AGBL3: variants seen among roughly 807,000 people sequenced by gnomAD.
AGBL3 encodes cytosolic carboxypeptidase 3.
Under a neutral mutation model 94.5 loss-of-function variants are expected in AGBL3, and 68 were observed. The ratio of observed to expected loss-of-function variants is 0.72; its 90% CI spans 0.59 to 0.88. AGBL3 has a LOEUF of 0.88. Among genes scored for constraint, AGBL3 ranks in the 40% least tolerant of loss-of-function variants. The pLI is 0.00. For missense variants in AGBL3, 934 were observed against 1,103.8 expected (o/e 0.85, Z 2.18); for synonymous variants, 354 against 370.7 (o/e 0.95, Z 0.52).
At chr7:135,053,407 A>C (rs1286238917) in intron 11 of AGBL3, among the ~76,000 whole-genome samples, 1 of 152,190 alleles carries the variant, frequency 6.6e-6, no homozygotes, top group Non-Finnish European at 1.5e-5. Flanking sequence ...TGGGAGTTTG[A>C]GACCAGCCTG....
chr7:135,036,455 C>G (rs1473419610), intron 7 of AGBL3, among the ~76,000 whole-genome samples: 3 of 152,128 alleles, frequency 2.0e-5, no homozygotes, highest in African/African-American at 7.2e-5. Flanking sequence ...AATCACCACA[C>G]TAATCAAGGG....
At chr7:135,027,512 C>G (rs1815280831) in intron 5 of AGBL3, among the ~76,000 whole-genome samples, 1 of 151,540 alleles carries the variant, frequency 6.6e-6, no homozygotes, top group African/African-American at 2.4e-5. Context: ...CATCTGGCAT[C>G]ATTGTTTTTT....
At chr7:134,987,508 A>G (rs1186497081) in intron 1 of AGBL3, among the ~76,000 whole-genome samples, 1 of 152,234 alleles carries the variant, frequency 6.6e-6, no homozygotes, top group East Asian at 1.9e-4. Flanking sequence ...TTAAAATTAT[A>G]TTGCTACATT....
chr7:135,032,395 C>A (rs550962081), intron 5 of AGBL3, among the ~76,000 whole-genome samples: 77 of 152,142 alleles, frequency 5.1e-4, no homozygotes, highest in Non-Finnish European at 1.0e-3. Context: ...ACCTCTGCCT[C>A]CCAGGTTCAA....
chr7:135,121,052 A>C (rs1029513717), intron 16 of AGBL3, among the ~76,000 whole-genome samples: 1 of 152,136 alleles, frequency 6.6e-6, no homozygotes, highest in African/African-American at 2.4e-5. Flanking sequence ...AAAAATACAA[A>C]AAATTAGCCG....
At chr7:135,011,414 A>G (rs917385033) in intron 4 of AGBL3, 5 of 152,198 alleles carry the variant, frequency 3.3e-5, no homozygotes, top group African/African-American at 1.2e-4. Flanking sequence ...AAGACTGATA[A>G]ATTTGACTAC....
At position 135,015,858 on chromosome 7, in the gene AGBL3, CAAAAAAAAGA is replaced by C. The variant is rs1285824161; in HGVS notation, c.311-1185_311-1176del. Among the ~76,000 whole-genome samples the C allele has an allele frequency of 6.5e-5, 5 of 77,134 alleles. 1 individual carries two copies. Among genetic ancestry groups the C allele is most frequent in the Non-Finnish European group, 9.8e-5 (4 of 40,758 alleles). The allele number at this position is 77,134 out of a possible 152,430, so 50.6% of individuals were successfully genotyped here. A position where few individuals can be genotyped will look rare whatever the true frequency, so the allele number is the denominator to read the frequency against. On this transcript the variant is annotated intron_variant, in intron 4 of 16. Coordinates refer to ENST00000436302, the MANE Select transcript of AGBL3 (RefSeq NM_178563.4). ...TGAAACCCCGTCTCTACTAAAAATACAAAAAAAAGAAAAAAAAAAAAAATTAGCCGGGCGT... is the reference window on the plus strand; with the variant it reads ...TGAAACCCCGTCTCTACTAAAAATACAAAAAAAAAAAAATTAGCCGGGCGT...
intron 7 of AGBL3, among the ~76,000 whole-genome samples, chr7:135,036,087 T>C (rs1382687160): frequency 6.6e-6 from 1 of 152,098 alleles, no homozygotes; most frequent in Non-Finnish European, 1.5e-5. Flanking sequence ...GGTTTTAGTA[T>C]TTTTGTTACA....
intron 16 of AGBL3, among the ~76,000 whole-genome samples, chr7:135,122,685 C>G (rs1827305287): frequency 6.6e-6 from 1 of 152,204 alleles, no homozygotes; most frequent in African/African-American, 2.4e-5. Flanking sequence ...AAGGAGCAGG[C>G]ACCCTTCTTT....
At chr7:135,101,385 T>C (rs1823807602) in intron 15 of AGBL3, 1 of 374,386 alleles carries the variant, frequency 2.7e-6, no homozygotes, top group African/African-American at 2.1e-5. Flanking sequence ...ACTACTTTTG[T>C]AAAAGGATGA....
chr7:135,071,232 C>CA (rs1819875915), intron 12 of AGBL3, among the ~76,000 whole-genome samples: 1 of 151,954 alleles, frequency 6.6e-6, no homozygotes, highest in Non-Finnish European at 1.5e-5. Flanking sequence ...AGGATACAAA[C>CA]AATGGAAGAA....
At chr7:135,068,205 C>A (rs1446629757) in intron 12 of AGBL3, among the ~76,000 whole-genome samples, 1 of 151,958 alleles carries the variant, frequency 6.6e-6, no homozygotes, top group Non-Finnish European at 1.5e-5. Context: ...AAAAAGAAAC[C>A]AACAAACCTC....
At chr7:135,065,912 G>A (rs1024245951) in intron 12 of AGBL3, among the ~76,000 whole-genome samples, 19 of 151,936 alleles carry the variant, frequency 1.3e-4, no homozygotes, top group African/African-American at 4.6e-4. Flanking sequence ...AATGGTGTTG[G>A]GAAACTGGAT....
At chr7:135,096,868 C>T (rs1043361207) in intron 15 of AGBL3, among the ~76,000 whole-genome samples, 8 of 152,014 alleles carry the variant, frequency 5.3e-5, no homozygotes, top group South Asian at 2.1e-4. Context: ...TAGGAAGATA[C>T]GCAAAATAGA....
rs141830547 is a variant in AGBL3, at chr7:135,101,104, T to C, written c.2111-14276T>C. 56 of 449,874 alleles carry C rather than the reference T, an allele frequency of 1.2e-4. No homozygotes were observed. In the East Asian group the frequency reaches 3.8e-3, roughly 31 times the overall value. 27.9% of individuals were successfully genotyped at this position (449,874 alleles called of 1,614,324 possible). ...TCTCCCAAAGTATGACTCAGAGTCA[T>C]AGCAAAGACCAACACAAACATTTTT... On this transcript the variant is annotated intron_variant, in intron 15 of 16. Coordinates refer to ENST00000436302, the MANE Select transcript of AGBL3 (RefSeq NM_178563.4).
chr7:135,023,736 T>C (rs1325417081), intron 5 of AGBL3, among the ~76,000 whole-genome samples: 1 of 152,214 alleles, frequency 6.6e-6, no homozygotes, highest in African/African-American at 2.4e-5. Flanking sequence ...GACTGGGGCA[T>C]GTCTGTTCTT....
chr7:135,130,209 C>A (rs1399418646), intron 16 of AGBL3, among the ~76,000 whole-genome samples: 2 of 152,224 alleles, frequency 1.3e-5, no homozygotes, highest in Non-Finnish European at 2.9e-5. Context: ...CAAGTCAGTT[C>A]TCTCTGGAGG....
chr7:135,133,300 G>A (rs1430152966), intron 16 of AGBL3, among the ~76,000 whole-genome samples: 1 of 152,156 alleles, frequency 6.6e-6, no homozygotes, highest in East Asian at 1.9e-4. Flanking sequence ...CTAAATGAGT[G>A]GAAAGATGTA....
intron 15 of AGBL3, among the ~76,000 whole-genome samples, chr7:135,090,598 G>A (rs1399572490): frequency 1.3e-5 from 2 of 152,068 alleles, no homozygotes; most frequent in East Asian, 3.9e-4. Flanking sequence ...TACAGGGCAC[G>A]ACTCCAGCTT....
Sources: gnomAD v4.1 joint callset for allele counts (sites outside exome capture counted in the v4.1 genomes callset) on GRCh38, gnomAD v4.1.1 for gene constraint, MANE v1.5 for transcripts, NCBI Gene and HGNC (gene_info 2026-07-23, HGNC 2026-07-21) for gene names.